PRR16: variants seen among roughly 807,000 people sequenced by gnomAD.
PRR16 encodes proline rich 16.
Under a neutral mutation model 18.2 loss-of-function variants are expected in PRR16, and 6 were observed. The observed-to-expected ratio is 0.33, with a 90% CI of 0.18 to 0.65. The LOEUF (loss-of-function observed/expected upper bound fraction) is 0.65. Among genes scored for constraint, PRR16 ranks in the 30% least tolerant of loss-of-function variants. PRR16 has a pLI of 0.74. For missense variants in PRR16, 412 were observed against 376.6 expected, an observed-to-expected ratio of 1.09 and a Z score of -0.78; for synonymous variants, 151 against 147.8, an observed-to-expected ratio of 1.02 and a Z score of -0.16.
rs199586308 is a variant in PRR16 at position 120,478,669 on chromosome 5, T to C, written c.159+14024T>C. 3.2e-4 allele frequency among the ~76,000 whole-genome samples: 49 copies of C among 152,286 alleles called. No individual in the cohort carries two copies. The East Asian group carries it at 9.3e-3, about 29-fold the overall frequency. ...TTTCATCTTTAGGCAAAAGTCTGAC[T>C]CTGATTTAGGAGTGCCCATTTTTCC... On this transcript the variant is annotated intron_variant, in intron 1 of 1. Coordinates refer to ENST00000407149, the MANE Select transcript of PRR16 (RefSeq NM_001300783.2).
In PRR16 at chr5:120,686,343, A is replaced by C. The variant is rs1010968175; in HGVS notation, c.549A>C (p.Pro183=). The part of the protein sequence containing the change: ...CIPNSNLDKA[P]VQLLMHRPEK... ...CCAACAGTAACTTGGACAAGGCTCCAGTCCAGCTTCTGATGCATAGACCTG... is the reference window on the plus strand; with the variant it reads ...CCAACAGTAACTTGGACAAGGCTCCCGTCCAGCTTCTGATGCATAGACCTG... The change falls in exon 2 of 2, where the codon CCA becomes CCC. Residue 183 remains proline, a synonymous_variant. Transcript: ENST00000407149. 1 of 1,614,196 alleles carries C rather than the reference A, an allele frequency of 6.2e-7. No homozygotes were observed.
intron 1 of PRR16, among the ~76,000 whole-genome samples, chr5:120,676,575 A>G (rs1041010718): frequency 2.0e-5 from 3 of 150,864 alleles, no homozygotes; most frequent in Non-Finnish European, 3.0e-5. Flanking sequence ...TGCTTTTTCA[A>G]ATATATCAAG....
At chr5:120,723,413 C>T in the PRR16 span, among the ~76,000 whole-genome samples, 2 of 151,964 alleles carry the variant, frequency 1.3e-5, no homozygotes, top group Admixed American at 6.6e-5. Flanking sequence ...AATTCTTATG[C>T]TGTCTATGAG....
At chr5:120,484,228 T>A (rs1749713805) in intron 1 of PRR16, among the ~76,000 whole-genome samples, 1 of 150,676 alleles carries the variant, frequency 6.6e-6, no homozygotes, top group South Asian at 2.1e-4. Context: ...GGCAAATGTA[T>A]AAAACATTCG....
At chr5:120,495,665 C>T (rs879770778) in intron 1 of PRR16, among the ~76,000 whole-genome samples, 1 of 152,036 alleles carries the variant, frequency 6.6e-6, no homozygotes, top group African/African-American at 2.4e-5. Flanking sequence ...TCTATCTGCT[C>T]ATTGCTAGTG....
At chr5:120,615,434 G>C (rs1184026793) in intron 1 of PRR16, among the ~76,000 whole-genome samples, 1 of 144,058 alleles carries the variant, frequency 6.9e-6, no homozygotes, top group African/African-American at 2.6e-5. Flanking sequence ...GAGTGGAGGT[G>C]GATACAGAGA....
rs375629713 is a variant in PRR16 at position 120,548,489 on chromosome 5, A to C, written c.159+83844A>C. On this transcript the variant is annotated intron_variant, in intron 1 of 1. Coordinates refer to ENST00000407149, the MANE Select transcript of PRR16 (RefSeq NM_001300783.2). ...ACTACTGGCTAAGCGTAACTTTTTC[A>C]CTTTAGTTGAATCAGGGTTGTTATA... Among the ~76,000 whole-genome samples, 57 of 152,204 alleles carry C rather than the reference A, an allele frequency of 3.7e-4. 1 individual carries two copies. In the East Asian group the frequency reaches 5.4e-3, roughly 14 times the overall value.
At chr5:120,659,087 AC>A (rs1375382627) in intron 1 of PRR16, among the ~76,000 whole-genome samples, 3 of 151,922 alleles carry the variant, frequency 2.0e-5, no homozygotes, top group Admixed American at 2.0e-4. Context: ...TCTTTCATGA[AC>A]CATACTTTAA....
chr5:120,649,205 T>C (rs1213687492), intron 1 of PRR16, among the ~76,000 whole-genome samples: 2 of 152,132 alleles, frequency 1.3e-5, no homozygotes, highest in Non-Finnish European at 2.9e-5. Flanking sequence ...TTAGGTCTAT[T>C]TTAATATTCT....
chr5:120,620,803 T>C (rs1238124689), intron 1 of PRR16, among the ~76,000 whole-genome samples: 1 of 152,106 alleles, frequency 6.6e-6, no homozygotes, highest in African/African-American at 2.4e-5. Context: ...CTCTTTTTGC[T>C]GATCTCATCC....
intron 1 of PRR16, among the ~76,000 whole-genome samples, chr5:120,522,194 A>G (rs1355403022): frequency 6.6e-6 from 1 of 152,232 alleles, no homozygotes; most frequent in African/African-American, 2.4e-5. Context: ...CCCAGTAATG[A>G]GATGGCTGAG....
chr5:120,738,867 C>T, the PRR16 span, among the ~76,000 whole-genome samples: 16 of 152,168 alleles, frequency 1.1e-4, no homozygotes, highest in South Asian at 3.3e-3. Context: ...ATGAGACAAA[C>T]CAAGATGAAC....
chr5:120,559,053 G>A (rs1334636246), intron 1 of PRR16, among the ~76,000 whole-genome samples: 1 of 152,056 alleles, frequency 6.6e-6, no homozygotes, highest in East Asian at 1.9e-4. Context: ...TTATTTGTCA[G>A]ATGGGTAGTT....
intron 1 of PRR16, among the ~76,000 whole-genome samples, chr5:120,517,730 T>C (rs1051655044): frequency 6.6e-6 from 1 of 152,168 alleles, no homozygotes; most frequent in Non-Finnish European, 1.5e-5. Flanking sequence ...TAGGGAAAAC[T>C]TGGCTTTATA....
chr5:120,726,987 C>G, the PRR16 span, among the ~76,000 whole-genome samples: 1 of 151,974 alleles, frequency 6.6e-6, no homozygotes. Context: ...GGATCAGCTG[C>G]TCATCAACCC....
At chr5:120,466,186 C>T (rs905461959) in intron 1 of PRR16, among the ~76,000 whole-genome samples, 3 of 152,188 alleles carry the variant, frequency 2.0e-5, no homozygotes, top group Admixed American at 1.3e-4. Flanking sequence ...AACTGGTTGA[C>T]AGATGGTGGG....
intron 1 of PRR16, among the ~76,000 whole-genome samples, chr5:120,544,254 T>C (rs1418234753): frequency 6.6e-6 from 1 of 152,188 alleles, no homozygotes; most frequent in Non-Finnish European, 1.5e-5. Context: ...CCAGATCTTC[T>C]GACCTTTCAA....
At chr5:120,702,812 C>T in the PRR16 span, among the ~76,000 whole-genome samples, 6 of 152,208 alleles carry the variant, frequency 3.9e-5, no homozygotes, top group South Asian at 1.0e-3. Context: ...AGGCCGCTTA[C>T]CTGATTTAAA....
chr5:120,735,606 T>C, the PRR16 span, among the ~76,000 whole-genome samples: 1,051 of 152,304 alleles, frequency 6.9e-3, 21 homozygotes, highest in African/African-American at 0.024. Context: ...GTTGGCCATT[T>C]GCATATCTTT....
Sources: gnomAD v4.1 joint callset for allele counts (sites outside exome capture counted in the v4.1 genomes callset) on GRCh38, gnomAD v4.1.1 for gene constraint, MANE v1.5 for transcripts, NCBI Gene and HGNC (gene_info 2026-07-23, HGNC 2026-07-21) for gene names.